ZNF236: variants seen among roughly 807,000 people sequenced by gnomAD.
ZNF236 encodes zinc finger protein 236, also known as regulated by glucose.
ZNF236 carries 50 observed loss-of-function variants against 191.2 expected under a neutral mutation model. That is an observed-to-expected ratio of 0.26 (90% CI 0.21 to 0.33). The LOEUF is 0.33. Among genes scored for constraint, ZNF236 ranks in the 10% least tolerant of loss-of-function variants. ZNF236 has a pLI of 1.00. For synonymous variants in ZNF236, 907 were observed against 928.8 expected, an observed-to-expected ratio of 0.98 and a Z score of 0.43; for missense variants, 1,754 against 2,374.5, an observed-to-expected ratio of 0.74 and a Z score of 5.43.
At chr18:76,907,234 AGAAT>A (rs1329528424) in intron 13 of ZNF236, among the ~76,000 whole-genome samples, 1 of 152,250 alleles carries the variant, frequency 6.6e-6, no homozygotes, top group African/African-American at 2.4e-5. Context: ...TTTGGAACTG[AGAAT>A]GAAATTCTGA....
intron 1 of ZNF236, among the ~76,000 whole-genome samples, chr18:76,836,738 T>C (rs907446406): frequency 2.0e-5 from 3 of 151,968 alleles, no homozygotes; most frequent in Non-Finnish European, 4.4e-5. Context: ...CCACCACGCC[T>C]GGCTAATTTT....
chr18:76,970,479 TA>T lies in ZNF236; in HGVS notation c.*2144del, dbSNP rs1349132363. On this transcript the variant is annotated 3_prime_UTR_variant, in exon 31 of 31. Transcript: ENST00000320610. ...ATTATTTCGATTTACTTCCTAATTATAAAAGCTGCTTTTTTGCAGAACATTC... is the reference window on the plus strand; with the variant it reads ...ATTATTTCGATTTACTTCCTAATTATAAAGCTGCTTTTTTGCAGAACATTC... The T allele has an allele frequency of 6.5e-6, 1 of 152,680 alleles. No homozygotes were observed. Among genetic ancestry groups the T allele is most frequent in the Non-Finnish European group, 1.5e-5 (1 of 68,042 alleles). 9.5% of individuals were successfully genotyped at this position (152,680 alleles called of 1,614,324 possible). A position where few individuals can be genotyped will look rare whatever the true frequency, so the allele number is the denominator to read the frequency against.
At chr18:76,832,894 C>G (rs191856207) in intron 1 of ZNF236, among the ~76,000 whole-genome samples, 107 of 152,066 alleles carry the variant, frequency 7.0e-4, no homozygotes, top group Middle Eastern at 6.8e-3. Flanking sequence ...GTTATCGTCT[C>G]TTGGTAATGT....
intron 3 of ZNF236, among the ~76,000 whole-genome samples, chr18:76,863,090 G>A (rs554502514): frequency 6.6e-6 from 1 of 152,312 alleles, no homozygotes; most frequent in South Asian, 2.1e-4. Flanking sequence ...GCTTACTGGT[G>A]GACCAGAGAG....
At chr18:76,824,036 G>A in intron 1 of ZNF236, 2 of 377,242 alleles carry the variant, frequency 5.3e-6, no homozygotes, top group Non-Finnish European at 9.9e-6. Flanking sequence ...CTTGACTGCC[G>A]TTGATTTTTA....
intron 1 of ZNF236, among the ~76,000 whole-genome samples, chr18:76,830,713 C>T (rs994296517): frequency 1.3e-5 from 2 of 152,132 alleles, no homozygotes; most frequent in Admixed American, 6.5e-5. Context: ...TATTCAAAGC[C>T]GTCCTGGGCT....
intron 25 of ZNF236, 53 bp downstream of exon 25, chr18:76,928,159 A>T: frequency 7.1e-7 from 1 of 1,399,982 alleles, no homozygotes; most frequent in Non-Finnish European, 9.7e-7. Flanking sequence ...TAAGTACTGT[A>T]TATCTTACTA....
Position 76,970,192 on chromosome 18 carries a change from G to A in ZNF236, c.*1853G>A, listed in dbSNP as rs1037562430. ...AATATCCCCAAAGTGGAAATTATTG[G>A]AATTTTAAACTTTTGTTCTTGCTGG... On this transcript the variant is annotated 3_prime_UTR_variant, in exon 31 of 31. Coordinates refer to ENST00000320610, the MANE Select transcript of ZNF236 (RefSeq NM_001306089.2). 4 of 152,506 alleles carry A rather than the reference G, an allele frequency of 2.6e-5. No homozygotes were observed. Among genetic ancestry groups the A allele is most frequent in the African/African-American group, 9.7e-5 (4 of 41,404 alleles). The allele number at this position is 152,506 out of a possible 1,614,324, so 9.4% of individuals were successfully genotyped here.
intron 3 of ZNF236, among the ~76,000 whole-genome samples, chr18:76,854,410 T>G (rs1852823368): frequency 6.6e-6 from 1 of 152,192 alleles, no homozygotes; most frequent in African/African-American, 2.4e-5. Context: ...CTCCCTCTTT[T>G]CACTCATCAT....
At chr18:76,897,138 A>C (rs930482039) in intron 10 of ZNF236, among the ~76,000 whole-genome samples, 1 of 151,620 alleles carries the variant, frequency 6.6e-6, no homozygotes, top group Non-Finnish European at 1.5e-5. Context: ...TAGGTACCAA[A>C]CACAGTACCA....
At chr18:76,929,181 G>A (rs985814097) in intron 25 of ZNF236, among the ~76,000 whole-genome samples, 1 of 151,704 alleles carries the variant, frequency 6.6e-6, no homozygotes, top group African/African-American at 2.4e-5. Context: ...TTCTTTTTCA[G>A]GAAGGTGTCT....
chr18:76,972,369 C>T lies in ZNF236; in HGVS notation c.*4030C>T, dbSNP rs528604059. Among the ~76,000 whole-genome samples, 37 of 152,232 alleles carry T rather than the reference C, an allele frequency of 2.4e-4. No individual in the cohort carries two copies. The South Asian group carries it at 7.3e-3, about 30-fold the overall frequency. ...GTCCTGTTTGGTGGCTGGCCCTCTCCGAACGGATTCCCCTCCTCAGACCCC... is the reference window on the plus strand; with the variant it reads ...GTCCTGTTTGGTGGCTGGCCCTCTCTGAACGGATTCCCCTCCTCAGACCCC... On this transcript the variant is annotated 3_prime_UTR_variant, in exon 31 of 31. Transcript: ENST00000320610.
chr18:76,953,958 T>A (rs1968467801), intron 27 of ZNF236, among the ~76,000 whole-genome samples: 2 of 152,170 alleles, frequency 1.3e-5, no homozygotes, highest in South Asian at 2.1e-4. Context: ...CCCACCCCCA[T>A]GCAGAATAAC....
intron 10 of ZNF236, 85 bp from the exon 11 acceptor site, chr18:76,898,934 G>T: frequency 8.6e-7 from 1 of 1,158,768 alleles, no homozygotes; most frequent in Non-Finnish European, 1.3e-6. Context: ...AATCAGTATT[G>T]GAAATAATAA....
In ZNF236 at chr18:76,927,624, T is replaced by C; in HGVS notation, c.4414+107T>C. ...TTATGATGTCATTTTCTTCTCTTTG[T>C]AGAAGAGAATAAATCAAATGTCCTG... On this transcript the variant is annotated intron_variant, in intron 24 of 30. Coordinates refer to ENST00000320610, the MANE Select transcript of ZNF236 (RefSeq NM_001306089.2). The surrounding 1 kb of genome is among the most constrained non-coding windows in gnomAD (Gnocchi z 5.4). The C allele has an allele frequency of 7.3e-7, 1 of 1,368,810 alleles. No homozygotes were observed. 84.8% of individuals were successfully genotyped at this position (1,368,810 alleles called of 1,614,324 possible).
intron 1 of ZNF236, among the ~76,000 whole-genome samples, chr18:76,822,953 G>A (rs919871374): frequency 6.7e-6 from 1 of 148,160 alleles, no homozygotes; most frequent in Non-Finnish European, 1.5e-5. Flanking sequence ...GCCGCCTCCT[G>A]CGCGCGCCCT....
rs761571511 is a variant in ZNF236, at chr18:76,937,196, G to A, written c.4635G>A (p.Pro1545=). ...GCGGAAGCCTTCCTTCAACAACACC[G>A]ATGTCTCCATCGGCCATCTCGACTC... The part of the protein sequence containing the change: ...TTSGSLPSTT[P]MSPSAISTQN... Residue 1545 remains proline (P), a synonymous_variant, in exon 26 of 31, where the codon CCG becomes CCA. Transcript: ENST00000320610. 15 of 1,614,070 alleles carry A rather than the reference G, an allele frequency of 9.3e-6. No homozygotes were observed. The highest frequency in any genetic ancestry group is 1.6e-4 in the Middle Eastern group (1 of 6,062).
rs778859258 is a variant in ZNF236, at chr18:76,908,365, G to A, written c.2343G>A (p.Ser781=). The change falls in exon 14 of 31, where the codon TCG becomes TCA. Residue 781 remains serine (S), a synonymous_variant. Coordinates refer to ENST00000320610, the MANE Select transcript of ZNF236 (RefSeq NM_001306089.2). Reference sequence around the variant, plus strand: ...TCCAACAGCATCAGCAGGCAGCCTCGATAGATGACAGCACTGTAGACCAGC... The same window carrying A: ...TCCAACAGCATCAGCAGGCAGCCTCAATAGATGACAGCACTGTAGACCAGC... ...QQLQQHQQAA[S]IDDSTVDQQS... The A allele has an allele frequency of 7.4e-6, 12 of 1,614,124 alleles. No individual in the cohort carries two copies. The highest frequency in any genetic ancestry group is 1.7e-5 in the Admixed American group (1 of 60,026).
chr18:76,868,993 G>A (rs1418867860), intron 4 of ZNF236, 130 bp downstream of exon 4: 5 of 827,192 alleles, frequency 6.0e-6, no homozygotes, highest in African/African-American at 1.7e-5. Flanking sequence ...ATAATTTGGT[G>A]TCAGAACGTC....
Sources: gnomAD v4.1 joint callset for allele counts (sites outside exome capture counted in the v4.1 genomes callset) on GRCh38, gnomAD v4.1.1 for gene constraint, Gnocchi (gnomAD v3.1) non-coding constraint, MANE v1.5 for transcripts, NCBI Gene and HGNC (gene_info 2026-07-23, HGNC 2026-07-21) for gene names.